Variants in SHROOM3 observed in about 807,000 individuals in gnomAD.
The protein encoded by SHROOM3 is shroom family member 3.
In SHROOM3, 47 loss-of-function variants were observed where a neutral mutation model predicts 138.6. The ratio of observed to expected loss-of-function variants is 0.34; its 90% CI spans 0.27 to 0.43. SHROOM3 has a LOEUF of 0.43. Among genes scored for constraint, SHROOM3 ranks in the 20% least tolerant of loss-of-function variants. The probability of loss-of-function intolerance (pLI) is 1.00; values close to 1 mark genes in which losing one functional copy is unlikely to be tolerated. For synonymous variants in SHROOM3, 1,062 were observed against 1,063.3 expected (o/e 1.00, Z 0.02); for missense variants, 2,491 against 2,596.5 (o/e 0.96, Z 0.88).
intron 2 of SHROOM3, among the ~76,000 whole-genome samples, chr4:76,590,484 T>C (rs917619176): frequency 6.6e-6 from 1 of 150,708 alleles, no homozygotes; most frequent in African/African-American, 2.4e-5. Context: ...GGAAGTCTCA[T>C]AGCAACAGCT....
At chr4:76,607,533 A>G (rs1734647697) in intron 2 of SHROOM3, among the ~76,000 whole-genome samples, 1 of 152,192 alleles carries the variant, frequency 6.6e-6, no homozygotes. Context: ...GACAAATAAA[A>G]ACTCATGTCT....
At chr4:76,612,368 C>T (rs1734781795) in intron 2 of SHROOM3, among the ~76,000 whole-genome samples, 1 of 152,082 alleles carries the variant, frequency 6.6e-6, no homozygotes, top group Non-Finnish European at 1.5e-5. Context: ...ATACTTAAAA[C>T]TTTGGAGAGA....
chr4:76,451,990 G>A lies in SHROOM3; in HGVS notation c.168+15770G>A, dbSNP rs150570288. Among the ~76,000 whole-genome samples the A allele has an allele frequency of 6.0e-3, 911 of 152,154 alleles. 7 individuals are homozygous for A. The highest frequency in any genetic ancestry group is 0.02 in the African/African-American group (841 of 41,496). On this transcript the variant is annotated intron_variant, in intron 1 of 10. Coordinates refer to ENST00000296043, the MANE Select transcript of SHROOM3 (RefSeq NM_020859.4). ...CGAGTAGCTGGGACTATAGGCGTGCGCCACCATGTCTAGCAGAAATTTTAA... is the reference window on the plus strand; with the variant it reads ...CGAGTAGCTGGGACTATAGGCGTGCACCACCATGTCTAGCAGAAATTTTAA...
At chr4:76,654,081 C>T (rs886177416) in intron 2 of SHROOM3, among the ~76,000 whole-genome samples, 12 of 152,146 alleles carry the variant, frequency 7.9e-5, no homozygotes, top group African/African-American at 2.9e-4. Flanking sequence ...CCCAGCTGGG[C>T]AGTAGAAGCT....
chr4:76,722,070 G>C (rs1720569833), intron 3 of SHROOM3, among the ~76,000 whole-genome samples: 2 of 152,098 alleles, frequency 1.3e-5, no homozygotes. Context: ...GGAGTTCAAG[G>C]CTGCAGTACG....
At chr4:76,492,983 G>A (rs1234842031) in intron 1 of SHROOM3, among the ~76,000 whole-genome samples, 2 of 152,122 alleles carry the variant, frequency 1.3e-5, no homozygotes, top group Admixed American at 1.3e-4. Context: ...CACTTTGGGA[G>A]GCCAAGGTGG....
chr4:76,493,541 G>A lies in SHROOM3; in HGVS notation c.168+57321G>A, dbSNP rs1262415315. ...GTCCTGGGAGGGGCTGAGTAGGTTC[G>A]GCTAAAGGTGAGGGGAGTGAAGGGA... On this transcript the variant is annotated intron_variant, in intron 1 of 10. Coordinates refer to ENST00000296043, the MANE Select transcript of SHROOM3 (RefSeq NM_020859.4). 6.6e-5 allele frequency among the ~76,000 whole-genome samples: 10 copies of A among 152,260 alleles called. No individual in the cohort carries two copies. In the South Asian group the frequency reaches 8.3e-4, roughly 13 times the overall value.
intron 1 of SHROOM3, among the ~76,000 whole-genome samples, chr4:76,544,825 A>G (rs557354985): frequency 6.6e-6 from 1 of 152,322 alleles, no homozygotes; most frequent in African/African-American, 2.4e-5. Flanking sequence ...GAACAGCAGG[A>G]AATTGGAGCT....
intron 1 of SHROOM3, among the ~76,000 whole-genome samples, chr4:76,543,888 C>T (rs567841131): frequency 6.6e-6 from 1 of 152,302 alleles, no homozygotes; most frequent in South Asian, 2.1e-4. Flanking sequence ...TGTTTGTTAG[C>T]CATTTTGTGT....
In SHROOM3 at chr4:76,779,887, G is replaced by A. The variant is rs1010034817; in HGVS notation, c.*710G>A. On this transcript the variant is annotated 3_prime_UTR_variant, in exon 11 of 11. Coordinates refer to ENST00000296043, the MANE Select transcript of SHROOM3 (RefSeq NM_020859.4). ...CGCTTCCACTGGACTGAGTATGGGGGAGTCCTGCTCCCCTCCTGTCTCACA... is the reference window on the plus strand; with the variant it reads ...CGCTTCCACTGGACTGAGTATGGGGAAGTCCTGCTCCCCTCCTGTCTCACA... 2.0e-5 allele frequency: 3 copies of A among 152,674 alleles called. No individual in the cohort carries two copies. The highest frequency in any genetic ancestry group is 4.4e-5 in the Non-Finnish European group (3 of 68,070). 9.5% of individuals were successfully genotyped at this position (152,674 alleles called of 1,614,324 possible). A position where few individuals can be genotyped will look rare whatever the true frequency, so the allele number is the denominator to read the frequency against.
At chr4:76,770,359 C>T (rs1199362918) in intron 9 of SHROOM3, among the ~76,000 whole-genome samples, 1 of 116,500 alleles carries the variant, frequency 8.6e-6, no homozygotes, top group Non-Finnish European at 1.8e-5. Flanking sequence ...AAACAGAAGA[C>T]AAAGCTGTAC....
At chr4:76,722,972 A>G (rs1720593513) in intron 3 of SHROOM3, among the ~76,000 whole-genome samples, 12 of 152,070 alleles carry the variant, frequency 7.9e-5, no homozygotes, top group Admixed American at 7.9e-4. Flanking sequence ...GTATTCTTAT[A>G]CACTTGACTC....
chr4:76,590,654 G>A (rs1043029863), intron 2 of SHROOM3, among the ~76,000 whole-genome samples: 2 of 151,714 alleles, frequency 1.3e-5, no homozygotes, highest in Non-Finnish European at 2.9e-5. Context: ...CTACATTCCT[G>A]TTCTTTAAAT....
intron 1 of SHROOM3, among the ~76,000 whole-genome samples, chr4:76,480,881 C>G (rs1381323309): frequency 6.6e-6 from 1 of 152,186 alleles, no homozygotes. Context: ...TCCTGAATGA[C>G]TACTGGGTAA....
At chr4:76,569,232 C>T (rs1400029765) in intron 2 of SHROOM3, among the ~76,000 whole-genome samples, 4 of 150,374 alleles carry the variant, frequency 2.7e-5, no homozygotes, top group Admixed American at 6.7e-5. Context: ...AAAATTAGAC[C>T]GAAATCCAAT....
Position 76,710,194 on chromosome 4 carries a change from C to G in SHROOM3, c.362C>G (p.Ala121Gly), listed in dbSNP as rs905469795. ...GACCCAGGCCATGCAGATACTGGTG[C>G]CTCTAACTTCGTCAGCCCAGAACAC... ...CTDPGHADTG[A>G]SNFVSPEHLT... is the part of the protein sequence containing the mutation. Residue 121 changes from alanine to glycine, a missense_variant, in exon 3 of 11, where the codon GCC (alanine) becomes GGC (glycine). Transcript: ENST00000296043. 2 of 1,614,142 alleles carry G rather than the reference C, an allele frequency of 1.2e-6. No homozygotes were observed. Among genetic ancestry groups the G allele is most frequent in the Non-Finnish European group, 1.7e-6 (2 of 1,180,004 alleles).
chr4:76,714,130 G>A (rs1216642442), intron 3 of SHROOM3, among the ~76,000 whole-genome samples: 3 of 152,106 alleles, frequency 2.0e-5, no homozygotes, highest in Non-Finnish European at 2.9e-5. Context: ...CTTTATAACC[G>A]TAGTACAAAT....
chr4:76,651,889 G>A (rs2110088819), intron 2 of SHROOM3, among the ~76,000 whole-genome samples: 1 of 152,226 alleles, frequency 6.6e-6, no homozygotes, highest in East Asian at 1.9e-4. Context: ...GCTTCACAAT[G>A]TCCAGCTTTA....
chr4:76,763,257 C>T (rs1372608163), intron 9 of SHROOM3, among the ~76,000 whole-genome samples: 1 of 151,892 alleles, frequency 6.6e-6, no homozygotes, highest in East Asian at 1.9e-4. Flanking sequence ...TGTGTTGGCG[C>T]ACAACTGTAA....
Sources: allele counts gnomAD v4.1 joint callset (sites outside exome capture counted in the v4.1 genomes callset), GRCh38; gene constraint gnomAD v4.1.1; transcripts MANE v1.5; gene names NCBI Gene and HGNC (gene_info 2026-07-23, HGNC 2026-07-21).